Variants in FAM184A observed in about 807,000 individuals in gnomAD.
The protein encoded by FAM184A is family with sequence similarity 184 member A.
Under a neutral mutation model 143.8 loss-of-function variants are expected in FAM184A, and 99 were observed. That is an observed-to-expected ratio of 0.69 (90% CI 0.58 to 0.81). The LOEUF is 0.81. FAM184A is among the 40% of genes least tolerant of loss of function. The probability of loss-of-function intolerance (pLI) is 0.00; values close to 1 mark genes in which losing one functional copy is unlikely to be tolerated. For synonymous variants in FAM184A, 427 were observed against 446.4 expected, an observed-to-expected ratio of 0.96 and a Z score of 0.55; for missense variants, 1,217 against 1,310.5, an observed-to-expected ratio of 0.93 and a Z score of 1.10.
At chr6:119,054,416 G>A (rs971121622) in intron 1 of FAM184A, among the ~76,000 whole-genome samples, 10 of 152,306 alleles carry the variant, frequency 6.6e-5, no homozygotes, top group East Asian at 1.9e-4. Context: ...GGCCTGTTCC[G>A]TAGTGATGGT....
At chr6:118,962,251 G>A in intron 16 of FAM184A, 1 of 374,282 alleles carries the variant, frequency 2.7e-6, no homozygotes, top group South Asian at 3.1e-5. Flanking sequence ...AGAGTGCCAA[G>A]GGGTAAAGAA....
chr6:119,102,818 AAGAAAAGAAAAT>A (rs1788680009), intron 1 of FAM184A, among the ~76,000 whole-genome samples: 1 of 149,750 alleles, frequency 6.7e-6, no homozygotes. Context: ...GAAAAGAAAA[AAGAAAAGAAAAT>A]ATCACTAAAA....
intron 7 of FAM184A, 80 bp from the exon 8 acceptor site, chr6:119,003,702 G>A (rs1784836941): frequency 7.4e-7 from 1 of 1,344,280 alleles, no homozygotes; most frequent in African/African-American, 1.5e-5. Flanking sequence ...TAAAGTGCTT[G>A]TATTAAAACT....
chr6:119,051,830 A>C (rs1019334396), intron 1 of FAM184A, among the ~76,000 whole-genome samples: 1 of 152,246 alleles, frequency 6.6e-6, no homozygotes, highest in Non-Finnish European at 1.5e-5. Flanking sequence ...AATTAATAAA[A>C]GTTAATGAGG....
chr6:119,057,378 CTTTG>C (rs1219197518), intron 1 of FAM184A, among the ~76,000 whole-genome samples: 2 of 152,240 alleles, frequency 1.3e-5, no homozygotes, highest in Non-Finnish European at 2.9e-5. Flanking sequence ...CTAAGAATTC[CTTTG>C]TTTGACTACA....
intron 2 of FAM184A, among the ~76,000 whole-genome samples, chr6:119,023,552 TCC>T (rs1491031166): frequency 7.1e-5 from 1 of 13,996 alleles, no homozygotes; most frequent in Non-Finnish European, 2.3e-4. Context: ...AGCAATATTG[TCC>T]GCCCCCCCCC....
intron 1 of FAM184A, among the ~76,000 whole-genome samples, chr6:119,046,369 C>A (rs566123209): frequency 1.3e-5 from 2 of 151,886 alleles, no homozygotes; most frequent in Non-Finnish European, 2.9e-5. Context: ...CAAGTACAGA[C>A]AAGCGCAACC....
intron 1 of FAM184A, among the ~76,000 whole-genome samples, chr6:119,040,751 T>C (rs1786296823): frequency 1.3e-5 from 2 of 152,206 alleles, no homozygotes; most frequent in South Asian, 4.1e-4. Flanking sequence ...AGTTTTCTAA[T>C]GGCTCTTAAA....
Position 119,078,116 on chromosome 6 carries a change from C to G in FAM184A, c.159+25G>C. 1 of 1,564,442 alleles carries G rather than the reference C, an allele frequency of 6.4e-7. No individual in the cohort carries two copies. Among genetic ancestry groups the G allele is most frequent in the Non-Finnish European group, 8.6e-7 (1 of 1,159,016 alleles). ...CGGCGCGGCCCGCACGGGGTCGCCA[C>G]CTGCCCCGTCGCTGCCCCCCTTACC... On this transcript the variant is annotated intron_variant, in intron 1 of 17. Transcript: ENST00000338891. The surrounding 1 kb of genome is among the most constrained non-coding windows in gnomAD (Gnocchi z 5.5).
chr6:118,992,693 G>A (rs544497983), intron 9 of FAM184A, among the ~76,000 whole-genome samples: 2 of 152,142 alleles, frequency 1.3e-5, no homozygotes, highest in Non-Finnish European at 2.9e-5. Flanking sequence ...TTGGAAGGCC[G>A]AGGCGGGAGG....
chr6:119,058,950 T>TTTTTATTTTATATTTATTA (rs1165470618), intron 1 of FAM184A, among the ~76,000 whole-genome samples: 4 of 151,932 alleles, frequency 2.6e-5, no homozygotes, highest in Admixed American at 2.6e-4. Context: ...GGTTATTTTA[T>TTTTTATTTTATATTTATTA]TTTTATTTTA....
chr6:119,141,244 C>T (rs189681587), intron 1 of FAM184A, among the ~76,000 whole-genome samples: 4 of 152,298 alleles, frequency 2.6e-5, no homozygotes, highest in African/African-American at 9.6e-5. Context: ...GTCGAATTGC[C>T]CTGGTGTTGA....
chr6:119,077,735 T>C (rs1161041027), intron 1 of FAM184A, among the ~76,000 whole-genome samples: 5 of 152,206 alleles, frequency 3.3e-5, no homozygotes, highest in African/African-American at 1.2e-4. Context: ...TAAGATACTG[T>C]TTAATTCCGA....
At chr6:118,983,458 G>C (rs1326742861) in intron 9 of FAM184A, among the ~76,000 whole-genome samples, 2 of 152,034 alleles carry the variant, frequency 1.3e-5, no homozygotes, top group Non-Finnish European at 2.9e-5. Context: ...ATCTAGAAAG[G>C]CTTGTGTTGA....
In FAM184A at chr6:118,961,825, C is replaced by T; in HGVS notation, c.3277G>A (p.Glu1093Lys). The change falls in exon 17 of 18, where the codon GAG becomes AAG. Residue 1093 changes from glutamate to lysine, a missense_variant. Coordinates refer to ENST00000338891, the MANE Select transcript of FAM184A (RefSeq NM_024581.6). ...PIPNSPVHDI[E>K]FNSSKPLPQP... ...GGAAGTGGTTTGCTGCTGTTGAACT[C>T]AATATCGTGGACTGGAGAATTAGGA... is the stretch of plus-strand genomic sequence containing the variant. 1 of 1,613,856 alleles carries T rather than the reference C, an allele frequency of 6.2e-7. No homozygotes were observed.
chr6:119,123,371 A>G (rs1189342191), intron 1 of FAM184A, among the ~76,000 whole-genome samples: 1 of 152,166 alleles, frequency 6.6e-6, no homozygotes, highest in African/African-American at 2.4e-5. Flanking sequence ...CTTGGGCGAC[A>G]GAGTGAGACT....
chr6:119,041,693 G>A (rs920543502), intron 1 of FAM184A, among the ~76,000 whole-genome samples: 4 of 152,036 alleles, frequency 2.6e-5, no homozygotes, highest in East Asian at 1.9e-4. Flanking sequence ...TCGCAGACCC[G>A]CCGCTGACTT....
intron 9 of FAM184A, among the ~76,000 whole-genome samples, chr6:118,992,596 CCTGATCT>C: frequency 6.6e-6 from 1 of 152,234 alleles, no homozygotes; most frequent in Non-Finnish European, 1.5e-5. Flanking sequence ...CTGCTGGCAC[CCTGATCT>C]TGGACTTCCC....
At chr6:119,044,858 T>C (rs1786469275) in intron 1 of FAM184A, among the ~76,000 whole-genome samples, 1 of 152,344 alleles carries the variant, frequency 6.6e-6, no homozygotes, top group Non-Finnish European at 1.5e-5. Context: ...TGACAGCTAC[T>C]GATATCATTA....
Sources: gnomAD v4.1 joint callset for allele counts (sites outside exome capture counted in the v4.1 genomes callset) on GRCh38, gnomAD v4.1.1 for gene constraint, Gnocchi (gnomAD v3.1) non-coding constraint, MANE v1.5 for transcripts, NCBI Gene and HGNC (gene_info 2026-07-23, HGNC 2026-07-21) for gene names.